The following WFS1 variants were observed in gnomAD, a reference collection of about 807,000 sequenced individuals.
WFS1 encodes wolframin ER transmembrane glycoprotein.
Under a neutral mutation model 68.5 loss-of-function variants are expected in WFS1, and 90 were observed. That is an observed-to-expected ratio of 1.31 (90% CI 1.11 to 1.56). The LOEUF (loss-of-function observed/expected upper bound fraction) is 1.56, where lower values mean the gene tolerates loss of function less well. Among genes scored for constraint, WFS1 ranks in the 40% most tolerant of loss-of-function variants. WFS1 has a pLI of 0.00. For synonymous variants in WFS1, 860 were observed against 540.7 expected (o/e 1.59, Z -8.19); for missense variants, 1,767 against 1,232.6 (o/e 1.43, Z -6.49).
At chr4:6,291,110 G>T (rs1191189529) in intron 4 of WFS1, 87 bp from the exon 5 acceptor site, 2 of 1,493,624 alleles carry the variant, frequency 1.3e-6, no homozygotes, top group Non-Finnish European at 1.8e-6. Context: ...TCGCTCGAAA[G>T]CCTTCCAGGC....
At position 6,283,260 on chromosome 4, in the gene WFS1, A is replaced by T. The variant is rs1047986622; in HGVS notation, c.233-3833A>T. On this transcript the variant is annotated intron_variant, in intron 2 of 7. Transcript: ENST00000226760. The surrounding 1 kb of genome is among the most constrained non-coding windows in gnomAD (Gnocchi z 5.0). ...CATAGAACCTCACAGAGGGAAGGAGACCTGCCCATGGTATCCAGCTCTGAT... is the reference window on the plus strand; with the variant it reads ...CATAGAACCTCACAGAGGGAAGGAGTCCTGCCCATGGTATCCAGCTCTGAT... Among the ~76,000 whole-genome samples, 1 of 152,270 alleles carries T rather than the reference A, an allele frequency of 6.6e-6. No homozygotes were observed. The highest frequency in any genetic ancestry group is 1.9e-4 in the East Asian group (1 of 5,170).
At chr4:6,293,129 AG>A (rs1730515699) in intron 6 of WFS1, among the ~76,000 whole-genome samples, 1 of 152,090 alleles carries the variant, frequency 6.6e-6, no homozygotes, top group African/African-American at 2.4e-5. Flanking sequence ...TCCTGAAGTG[AG>A]GTGCCTCTGG....
chr4:6,291,868 G>A (rs377258091), intron 5 of WFS1, 49 bp from the exon 6 acceptor site: 27 of 1,559,226 alleles, frequency 1.7e-5, no homozygotes, highest in African/African-American at 9.5e-5. Context: ...TGCAGGGCAC[G>A]AGGAGATAGT....
chr4:6,280,446 A>G (rs184183980), intron 2 of WFS1, among the ~76,000 whole-genome samples: 2 of 152,310 alleles, frequency 1.3e-5, no homozygotes, highest in Admixed American at 1.3e-4. Context: ...ACCTGGTCCC[A>G]GGTGACCCAG....
chr4:6,302,568 A>C lies in WFS1; in HGVS notation c.*100A>C. On this transcript the variant is annotated 3_prime_UTR_variant, in exon 8 of 8. Coordinates refer to ENST00000226760, the MANE Select transcript of WFS1 (RefSeq NM_006005.3). ...GCATGCACCAGTGCCGCCTGTGCCC[A>C]CGTGTGCAGACTGTGGCTGCAGAGA... 1 of 1,535,290 alleles carries C rather than the reference A, an allele frequency of 6.5e-7. No individual in the cohort carries two copies. Among genetic ancestry groups the C allele is most frequent in the South Asian group, 1.2e-5 (1 of 84,116 alleles).
At chr4:6,294,544 G>A (rs537337137) in intron 6 of WFS1, among the ~76,000 whole-genome samples, 1 of 152,280 alleles carries the variant, frequency 6.6e-6, no homozygotes, top group Admixed American at 6.5e-5. Context: ...GTGCACAGTA[G>A]GCCCTGGGTG....
In WFS1 at chr4:6,301,846, C is replaced by T. The variant is rs387906930; in HGVS notation, c.2051C>T (p.Ala684Val). The T allele has an allele frequency of 2.5e-6, 4 of 1,612,936 alleles. No individual in the cohort carries two copies. The highest frequency in any genetic ancestry group is 2.5e-6 in the Non-Finnish European group (3 of 1,179,944). Reference sequence around the variant, plus strand: ...CGCGCCTGGAAGGAGACCAACATGGCGCGCACCCAGATCCTCTGCAGCCAC... The same window carrying T: ...CGCGCCTGGAAGGAGACCAACATGGTGCGCACCCAGATCCTCTGCAGCCAC... ...GPRAWKETNM[A>V]RTQILCSHLE... Residue 684 changes from alanine (A) to valine (V), a missense_variant, in exon 8 of 8, where the codon GCG (alanine) becomes GTG (valine). Physicochemically the swap from Ala to Val is moderately conservative, Grantham distance 64 (BLOSUM62 0). Transcript: ENST00000226760.
intron 6 of WFS1, among the ~76,000 whole-genome samples, chr4:6,293,751 G>A (rs1011746238): frequency 6.6e-6 from 1 of 152,202 alleles, no homozygotes; most frequent in Non-Finnish European, 1.5e-5. Flanking sequence ...GGCCTTCCTT[G>A]TGGGGACCAG....
chr4:6,299,126 A>C (rs1343275670), intron 7 of WFS1, among the ~76,000 whole-genome samples: 1 of 152,142 alleles, frequency 6.6e-6, no homozygotes, highest in Non-Finnish European at 1.5e-5. Context: ...TTTGTCCCCC[A>C]TCCCCTCCAG....
intron 7 of WFS1, among the ~76,000 whole-genome samples, chr4:6,297,636 G>A (rs1198919074): frequency 2.0e-5 from 3 of 152,164 alleles, no homozygotes; most frequent in Non-Finnish European, 4.4e-5. Context: ...CCATCGGTGT[G>A]GTGACGCTGC....
In WFS1 at chr4:6,289,132, G is replaced by A. The variant is rs1191510461; in HGVS notation, c.460+1G>A. On this transcript the variant is annotated splice_donor_variant, in intron 4 of 7. Coordinates refer to ENST00000226760, the MANE Select transcript of WFS1 (RefSeq NM_006005.3). LOFTEE classifies it high-confidence loss of function. ...CGCCGGTGCTTGGCGGACAGAAGAG[G>A]TGGGTCTGTGTGAGGCTTAGAACAG... 3 of 1,573,990 alleles carry A rather than the reference G, an allele frequency of 1.9e-6. No individual in the cohort carries two copies. Among genetic ancestry groups the A allele is most frequent in the Middle Eastern group, 1.7e-4 (1 of 5,778 alleles).
intron 1 of WFS1, among the ~76,000 whole-genome samples, chr4:6,273,606 G>T (rs1269186469): frequency 6.6e-6 from 1 of 152,152 alleles, no homozygotes; most frequent in South Asian, 2.1e-4. Flanking sequence ...CGTATTCCTG[G>T]CAAGGCAGCC....
chr4:6,287,658 A>G lies in WFS1; in HGVS notation c.315+483A>G, dbSNP rs1222051963. Among the ~76,000 whole-genome samples the G allele has an allele frequency of 6.6e-6, 1 of 152,194 alleles. No homozygotes were observed. On this transcript the variant is annotated intron_variant, in intron 3 of 7. Coordinates refer to ENST00000226760, the MANE Select transcript of WFS1 (RefSeq NM_006005.3). This position sits in a 1 kb window ranked among gnomAD's most constrained non-coding sequence, Gnocchi z 6.4. ...ATGTGGCCCTCTCTTCATGGGTGAC[A>G]GGTTAGTGGAAGAAGCAGACCCAAA...
chr4:6,291,889 G>T, intron 5 of WFS1, 28 bp from the exon 6 acceptor site: 1 of 1,597,774 alleles, frequency 6.3e-7, no homozygotes, highest in Non-Finnish European at 8.5e-7. Context: ...CAACTTGTCT[G>T]ACTGTTAATC....
Position 6,302,590 on chromosome 4 carries a change from G to A in WFS1, c.*122G>A, listed in dbSNP as rs1220697679. 2.5e-5 allele frequency: 36 copies of A among 1,417,716 alleles called. No homozygotes were observed. The highest frequency in any genetic ancestry group is 3.4e-5 in the Non-Finnish European group (35 of 1,044,618). 87.8% of individuals were successfully genotyped at this position (1,417,716 alleles called of 1,614,324 possible). On this transcript the variant is annotated 3_prime_UTR_variant, in exon 8 of 8. Coordinates refer to ENST00000226760, the MANE Select transcript of WFS1 (RefSeq NM_006005.3). Reference sequence around the variant, plus strand: ...CCCACGTGTGCAGACTGTGGCTGCAGAGACCTTGCGACCATGTGTAGATTG... The same window carrying A: ...CCCACGTGTGCAGACTGTGGCTGCAAAGACCTTGCGACCATGTGTAGATTG...
chr4:6,272,004 C>A (rs970603926), intron 1 of WFS1, among the ~76,000 whole-genome samples: 1 of 152,174 alleles, frequency 6.6e-6, no homozygotes, highest in Non-Finnish European at 1.5e-5. Context: ...TGGGCACAAC[C>A]CCTGCTGGAA....
rs201623184 is a variant in WFS1 at position 6,301,821 on chromosome 4, C to G, written c.2026C>G (p.Arg676Gly). The part of the protein sequence containing the change: ...WQQYGALCGP[R>G]AWKETNMART... ...GCAGTATGGTGCGCTGTGCGGGCCA[C>G]GCGCCTGGAAGGAGACCAACATGGC... The change falls in exon 8 of 8, where the codon CGC (arginine) becomes GGC (glycine). Residue 676 changes from arginine to glycine, a missense_variant. Physicochemically the swap from Arg to Gly is moderately radical, Grantham distance 125. Transcript: ENST00000226760. 1 of 1,613,112 alleles carries G rather than the reference C, an allele frequency of 6.2e-7. No homozygotes were observed. The highest frequency in any genetic ancestry group is 1.1e-5 in the South Asian group (1 of 91,080).
At position 6,287,330 on chromosome 4, in the gene WFS1, T is replaced by A. The variant is rs900008987; in HGVS notation, c.315+155T>A. On this transcript the variant is annotated intron_variant, in intron 3 of 7. Transcript: ENST00000226760. The surrounding 1 kb of genome is among the most constrained non-coding windows in gnomAD (Gnocchi z 6.4). ...CTACCCCACTTGAGCCCCATGTTGG[T>A]AGGGTGCCCATGTTCACTGTGCCAG... is the stretch of plus-strand genomic sequence containing the variant. 2.9e-6 allele frequency: 2 copies of A among 700,198 alleles called. No homozygotes were observed. The highest frequency in any genetic ancestry group is 1.8e-5 in the African/African-American group (1 of 56,916). The allele number at this position is 700,198 out of a possible 1,614,324, so 43.4% of individuals were successfully genotyped here.
In WFS1 at chr4:6,302,699, A is replaced by C; in HGVS notation, c.*231A>C. 1.5e-6 allele frequency: 1 copy of C among 645,404 alleles called. No homozygotes were observed. The highest frequency in any genetic ancestry group is 2.6e-6 in the Non-Finnish European group (1 of 380,410). The allele number at this position is 645,404 out of a possible 1,614,324, so 40.0% of individuals were successfully genotyped here. A position where few individuals can be genotyped will look rare whatever the true frequency, so the allele number is the denominator to read the frequency against. The stretch of plus-strand genomic sequence containing the variant: ...GTGTTGGGAATTGCATGCCATCTCC[A>C]CCCTGAGCCTGACCTTTCTGAGTGA... On this transcript the variant is annotated 3_prime_UTR_variant, in exon 8 of 8. Coordinates refer to ENST00000226760, the MANE Select transcript of WFS1 (RefSeq NM_006005.3).
Sources: gnomAD v4.1 joint callset for allele counts (sites outside exome capture counted in the v4.1 genomes callset) on GRCh38, gnomAD v4.1.1 for gene constraint, Gnocchi (gnomAD v3.1) non-coding constraint, MANE v1.5 for transcripts, NCBI Gene and HGNC (gene_info 2026-07-23, HGNC 2026-07-21) for gene names.